The following BAZ1B variants were observed in gnomAD, a reference collection of about 807,000 sequenced individuals.
BAZ1B encodes the protein tyrosine-protein kinase BAZ1B.
A neutral mutation model predicts 153.8 loss-of-function variants in BAZ1B; 22 were observed. The ratio of observed to expected loss-of-function variants is 0.14; its 90% CI spans 0.10 to 0.20. The LOEUF (loss-of-function observed/expected upper bound fraction) is 0.20, where lower values mean the gene tolerates loss of function less well. BAZ1B is among the 10% of genes least tolerant of loss of function. The probability of loss-of-function intolerance (pLI) is 1.00; values close to 1 mark genes in which losing one functional copy is unlikely to be tolerated. For missense variants in BAZ1B, 1,325 were observed against 1,799.3 expected (o/e 0.74, Z 4.77); for synonymous variants, 676 against 633.4 (o/e 1.07, Z -1.01).
chr7:73,502,201 C>A (rs782422441), intron 3 of BAZ1B, among the ~76,000 whole-genome samples: 20 of 151,908 alleles, frequency 1.3e-4, no homozygotes, highest in Admixed American at 2.0e-4. Context: ...ATCACCAATG[C>A]TAAACACACA....
chr7:73,465,252 C>A (rs1788537997), intron 11 of BAZ1B, among the ~76,000 whole-genome samples, 187 bp downstream of exon 11: 1 of 151,986 alleles, frequency 6.6e-6, no homozygotes. Context: ...ATATAGATGG[C>A]CAAAGGTATA....
intron 16 of BAZ1B, among the ~76,000 whole-genome samples, chr7:73,444,524 A>AT (rs1787752765): frequency 6.6e-6 from 1 of 152,224 alleles, no homozygotes; most frequent in South Asian, 2.1e-4. Flanking sequence ...GAGCGAGTGG[A>AT]TGTATTTACA....
chr7:73,452,349 G>C (rs184733766), intron 13 of BAZ1B, among the ~76,000 whole-genome samples: 1 of 152,230 alleles, frequency 6.6e-6, no homozygotes, highest in Non-Finnish European at 1.5e-5. Context: ...ACAGTTACCT[G>C]GGCTGCTTCC....
chr7:73,450,719 G>T lies in BAZ1B; in HGVS notation c.3580+128C>A. On this transcript the variant is annotated intron_variant, in intron 14 of 19. Coordinates refer to ENST00000339594, the MANE Select transcript of BAZ1B (RefSeq NM_032408.4). The surrounding 1 kb of genome is among the most constrained non-coding windows in gnomAD (Gnocchi z 4.1). Reference sequence around the variant, plus strand: ...AAGACTGGCATGTTACAGACCTGCAGGAGAGTAAAATCTATACCACACTTA... The same window carrying T: ...AAGACTGGCATGTTACAGACCTGCATGAGAGTAAAATCTATACCACACTTA... 1 of 1,101,594 alleles carries T rather than the reference G, an allele frequency of 9.1e-7. No homozygotes were observed. The allele number at this position is 1,101,594 out of a possible 1,614,324, so 68.2% of individuals were successfully genotyped here. A position where few individuals can be genotyped will look rare whatever the true frequency, so the allele number is the denominator to read the frequency against.
intron 2 of BAZ1B, among the ~76,000 whole-genome samples, chr7:73,510,285 C>T (rs535764365): frequency 1.9e-4 from 29 of 152,074 alleles, no homozygotes; most frequent in South Asian, 2.1e-4. Context: ...AAAAATTATC[C>T]GGGCTTGGTG....
intron 2 of BAZ1B, 43 bp from the exon 3 acceptor site, chr7:73,508,514 T>C (rs782515795): frequency 1.3e-6 from 2 of 1,547,984 alleles, no homozygotes; most frequent in African/African-American, 2.8e-5. Flanking sequence ...CAGAAACACC[T>C]ACCCAGAGAT....
intron 4 of BAZ1B, among the ~76,000 whole-genome samples, chr7:73,493,839 C>CAAA (rs142781016): frequency 5.1e-5 from 3 of 58,292 alleles, no homozygotes; most frequent in East Asian, 9.5e-4. Flanking sequence ...ACCCTGTCTC[C>CAAA]AAAAAAAAAA....
At chr7:73,459,171 C>G (rs1164884616) in intron 13 of BAZ1B, among the ~76,000 whole-genome samples, 4 of 151,634 alleles carry the variant, frequency 2.6e-5, no homozygotes, top group Non-Finnish European at 5.9e-5. Flanking sequence ...TCGCTTGAAC[C>G]TGGGAGGCGG....
intron 6 of BAZ1B, among the ~76,000 whole-genome samples, chr7:73,485,369 C>T (rs1340211428): frequency 4.6e-5 from 7 of 151,812 alleles, no homozygotes; most frequent in Admixed American, 3.9e-4. Context: ...GCCTGTAATC[C>T]CAACACTTTG....
At chr7:73,494,378 G>A (rs1554576131) in intron 4 of BAZ1B, among the ~76,000 whole-genome samples, 1 of 152,114 alleles carries the variant, frequency 6.6e-6, no homozygotes, top group East Asian at 1.9e-4. Context: ...GCGAGACTCT[G>A]TCTCAAAAAG....
intron 7 of BAZ1B, among the ~76,000 whole-genome samples, chr7:73,472,973 C>T (rs1788868124): frequency 6.6e-6 from 1 of 151,340 alleles, no homozygotes; most frequent in East Asian, 2.0e-4. Context: ...ACAAGAGTCT[C>T]GCTCTGTCCC....
intron 7 of BAZ1B, 78 bp downstream of exon 7, chr7:73,476,790 C>A: frequency 6.6e-7 from 1 of 1,520,034 alleles, no homozygotes; most frequent in South Asian, 1.4e-5. Context: ...AACAGAGACC[C>A]TACCATTACC....
At chr7:73,518,947 T>C (rs1790922291) in intron 1 of BAZ1B, among the ~76,000 whole-genome samples, 1 of 152,180 alleles carries the variant, frequency 6.6e-6, no homozygotes. Context: ...CTATCTTGAC[T>C]TAAATACAGT....
chr7:73,466,553 C>T, intron 9 of BAZ1B, 152 bp from the exon 10 acceptor site: 2 of 566,730 alleles, frequency 3.5e-6, no homozygotes, highest in South Asian at 2.4e-5. Flanking sequence ...ATAAAAGATG[C>T]TAATTTCTCT....
At chr7:73,458,510 T>C (rs1788278924) in intron 13 of BAZ1B, among the ~76,000 whole-genome samples, 1 of 151,788 alleles carries the variant, frequency 6.6e-6, no homozygotes, top group Admixed American at 6.6e-5. Context: ...ACCCCGTCTC[T>C]ACAAAAAATA....
chr7:73,485,081 T>C (rs1789351524), intron 6 of BAZ1B, among the ~76,000 whole-genome samples: 1 of 152,168 alleles, frequency 6.6e-6, no homozygotes, highest in African/African-American at 2.4e-5. Context: ...TGTAGTTACG[T>C]TGGAAAATAT....
intron 9 of BAZ1B, among the ~76,000 whole-genome samples, chr7:73,467,490 C>T (rs904146974): frequency 3.3e-5 from 5 of 152,080 alleles, no homozygotes; most frequent in African/African-American, 1.2e-4. Flanking sequence ...TTGCCTCAGC[C>T]TGCCAAGTAG....
intron 13 of BAZ1B, among the ~76,000 whole-genome samples, chr7:73,452,688 C>T (rs1455526956): frequency 2.0e-5 from 3 of 149,594 alleles, no homozygotes; most frequent in Non-Finnish European, 3.0e-5. Context: ...CACCACTGCA[C>T]TCCAGCCTGG....
At chr7:73,468,225 T>C (rs942067561) in intron 9 of BAZ1B, among the ~76,000 whole-genome samples, 2 of 152,192 alleles carry the variant, frequency 1.3e-5, no homozygotes, top group African/African-American at 2.4e-5. Context: ...AAGAAGCTTA[T>C]GGATCATTTA....
Sources: gnomAD v4.1 joint callset for allele counts (sites outside exome capture counted in the v4.1 genomes callset) on GRCh38, gnomAD v4.1.1 for gene constraint, Gnocchi (gnomAD v3.1) non-coding constraint, MANE v1.5 for transcripts, NCBI Gene and HGNC (gene_info 2026-07-23, HGNC 2026-07-21) for gene names.